The following SAGE1 variants were observed in gnomAD, a reference collection of about 807,000 sequenced individuals.
The protein encoded by SAGE1 is cancer/testis antigen 14.
SAGE1 carries 55 observed loss-of-function variants against 55.4 expected under a neutral mutation model. The observed-to-expected ratio is 0.99, with a 90% CI of 0.80 to 1.24. SAGE1 has a LOEUF of 1.24. Ranked by LOEUF, SAGE1 falls within the 50% of genes most tolerant of loss-of-function variation. The pLI is 0.00. For missense variants in SAGE1, 710 were observed against 704.4 expected (o/e 1.01, Z -0.09); for synonymous variants, 240 against 244.3 (o/e 0.98, Z 0.17).
chrX:135,910,580 G>A (rs1556605978), intron 16 of SAGE1, 25 bp downstream of exon 16: 2 of 1,181,334 alleles, frequency 1.7e-6, no homozygotes, highest in Non-Finnish European at 2.3e-6. Context: ...TAGTTGTGCT[G>A]TCCTACTTGG....
At chrX:135,903,267 C>T (rs2088712452) in intron 3 of SAGE1, among the ~76,000 whole-genome samples, 1 of 113,127 alleles carries the variant, frequency 8.8e-6, no homozygotes, top group Admixed American at 9.3e-5. Flanking sequence ...AATGGCACTT[C>T]TTCAGAAGCC....
At chrX:135,908,682 G>T in intron 12 of SAGE1, 65 bp downstream of exon 12, 1 of 1,090,294 alleles carries the variant, frequency 9.2e-7, no homozygotes. Context: ...TGTCATGAAG[G>T]GAAGAAGGTT....
At chrX:135,911,481 A>G (rs2088897361) in intron 17 of SAGE1, 98 bp from the exon 18 acceptor site, 4 of 875,914 alleles carry the variant, frequency 4.6e-6, no homozygotes, top group Admixed American at 5.0e-5. Flanking sequence ...CTCTTGCTTC[A>G]TGAGATAACT....
At chrX:135,909,140 T>A in intron 13 of SAGE1, 136 bp downstream of exon 13, 2 of 536,630 alleles carry the variant, frequency 3.7e-6, no homozygotes, top group South Asian at 8.1e-5. Flanking sequence ...ACATGGCATA[T>A]CCTCCCCAGC....
intron 5 of SAGE1, 86 bp downstream of exon 5, chrX:135,905,478 A>G: frequency 1.1e-6 from 1 of 948,417 alleles, no homozygotes; most frequent in East Asian, 3.1e-5. Flanking sequence ...CTTTTGTTGC[A>G]TATACTTTCC....
At chrX:135,906,797 C>T (rs1456407513) in intron 7 of SAGE1, 129 bp from the exon 8 acceptor site, 18 of 951,977 alleles carry the variant, frequency 1.9e-5, no homozygotes, top group South Asian at 1.7e-4. Context: ...TCAGGGGTCT[C>T]GTATGGCAAC....
chrX:135,896,089 A>G, intron 1 of SAGE1, 154 bp from the exon 2 acceptor site: 1 of 434,941 alleles, frequency 2.3e-6, no homozygotes, highest in Non-Finnish European at 4.1e-6. Context: ...CTCTGGTACC[A>G]AGGCACACAT....
chrX:135,900,285 T>C lies in SAGE1; in HGVS notation c.88-1274T>C, dbSNP rs782258490. Among the ~76,000 whole-genome samples the C allele has an allele frequency of 8.9e-5, 10 of 112,205 alleles. No individual in the cohort carries two copies. In the East Asian group the frequency reaches 2.8e-3, roughly 31 times the overall value. On this transcript the variant is annotated intron_variant, in intron 2 of 19. Transcript: ENST00000370709. ...TTTGTCTTTAGTTCTGTTTATGTGA[T>C]GAATTACATTCATTGATTGGCCTAT...
At chrX:135,899,041 T>C (rs781984963) in intron 2 of SAGE1, among the ~76,000 whole-genome samples, 1 of 112,645 alleles carries the variant, frequency 8.9e-6, no homozygotes, top group African/African-American at 3.2e-5. Flanking sequence ...CCATTGCTTT[T>C]GGCATTTTTG....
Position 135,910,421 on chromosome X carries a change from C to T in SAGE1, c.1871C>T (p.Ala624Val), listed in dbSNP as rs1556605650. Reference protein sequence around the residue: ...SSMSTRDQYAAVTHNIREEKI... With the variant: ...SSMSTRDQYAVVTHNIREEKI... Reference sequence around the variant, plus strand: ...CCTCTTCTTTTGTTTCCAGATGCTGCAGTCACTCACAACATCCGTGAAGAG... The same window carrying T: ...CCTCTTCTTTTGTTTCCAGATGCTGTAGTCACTCACAACATCCGTGAAGAG... The change falls in exon 16 of 20, where the codon GCA becomes GTA. Residue 624 changes from alanine to valine, a missense_variant. Ala to Val is a moderately conservative substitution (Grantham distance 64, BLOSUM62 0). Transcript: ENST00000370709. 3 of 1,209,575 alleles carry T rather than the reference C, an allele frequency of 2.5e-6. No homozygotes were observed. Among genetic ancestry groups the T allele is most frequent in the Non-Finnish European group, 3.4e-6 (3 of 894,254 alleles).
chrX:135,900,262 T>C lies in SAGE1; in HGVS notation c.88-1297T>C, dbSNP rs150731487. ...TCTATTGAGATAAGCGTGTGGTTTT[T>C]GTCTTTAGTTCTGTTTATGTGATGA... On this transcript the variant is annotated intron_variant, in intron 2 of 19. Transcript: ENST00000370709. Among the ~76,000 whole-genome samples, 733 of 111,933 alleles carry C rather than the reference T, an allele frequency of 6.5e-3. 4 individuals carry two copies. The highest frequency in any genetic ancestry group is 0.022 in the African/African-American group (679 of 30,839).
chrX:135,908,523 C>T lies in SAGE1; in HGVS notation c.1347C>T (p.Gly449=). 8.3e-7 allele frequency: 1 copy of T among 1,206,937 alleles called. No homozygotes were observed. Among genetic ancestry groups the T allele is most frequent in the Non-Finnish European group, 1.1e-6 (1 of 892,889 alleles). Residue 449 remains glycine (G), a synonymous_variant, in exon 12 of 20, where the codon GGC becomes GGT. Transcript: ENST00000370709. ...TCCATGAAGCAAGGATGGAAAATGG[C>T]CAACGAAAACAGGATAACGTCTTGT... ...HHVHEARMEN[G]QRKQDNVLSN... is the part of the protein sequence containing the mutation.
At position 135,900,196 on chromosome X, in the gene SAGE1, A is replaced by T. The variant is rs142056961; in HGVS notation, c.88-1363A>T. 5.7e-4 allele frequency among the ~76,000 whole-genome samples: 63 copies of T among 111,190 alleles called. 1 individual carries two copies. In the East Asian group the frequency reaches 0.016, roughly 28 times the overall value. On this transcript the variant is annotated intron_variant, in intron 2 of 19. Coordinates refer to ENST00000370709, the MANE Select transcript of SAGE1 (RefSeq NM_001381902.1). The stretch of plus-strand genomic sequence containing the variant: ...ATACCTGGTTTATTGAGAGCTTTTA[A>T]TATAAGGGGATGTTGAATTTTATCA...
rs1569521741 is a variant in SAGE1, at chrX:135,911,088, G to A, written c.2006-104G>A. On this transcript the variant is annotated intron_variant, in intron 16 of 19. Transcript: ENST00000370709. ...TGATTGCCACCTGGTATATCCTCCTGCTGTATGGGATAACGTCCTGGAAAC... is the reference window on the plus strand; with the variant it reads ...TGATTGCCACCTGGTATATCCTCCTACTGTATGGGATAACGTCCTGGAAAC... 8.8e-6 allele frequency: 8 copies of A among 913,925 alleles called. No individual in the cohort carries two copies. In the East Asian group the frequency reaches 1.3e-4, roughly 14 times the overall value. 75.3% of individuals were successfully genotyped at this position (913,925 alleles called of 1,213,427 possible).
intron 16 of SAGE1, 24 bp from the exon 17 acceptor site, chrX:135,911,168 T>C (rs782078675): frequency 2.5e-6 from 3 of 1,205,848 alleles, no homozygotes; most frequent in Middle Eastern, 2.3e-4. Flanking sequence ...ACTTCACAGC[T>C]CAGCCTCTTC....
At chrX:135,912,113 A>G in intron 18 of SAGE1, 160 bp downstream of exon 18, 15 of 1,096,034 alleles carry the variant, frequency 1.4e-5, no homozygotes, top group African/African-American at 1.9e-5. Flanking sequence ...AATTGCTAAT[A>G]TGTCTGCTTA....
At chrX:135,899,498 A>G (rs1263777504) in intron 2 of SAGE1, among the ~76,000 whole-genome samples, 1 of 111,794 alleles carries the variant, frequency 8.9e-6, no homozygotes, top group Non-Finnish European at 1.9e-5. Context: ...TTCCATATGC[A>G]TTTTAAAATA....
chrX:135,902,235 G>A (rs28498554), intron 3 of SAGE1, among the ~76,000 whole-genome samples: 23,694 of 110,279 alleles, frequency 0.21, 2,032 homozygotes, highest in Non-Finnish European at 0.26. Context: ...AGGCGATGCC[G>A]TGCTGTCTTA....
In SAGE1 at chrX:135,896,211, C is replaced by T. The variant is rs782518197; in HGVS notation, c.1-32C>T. ...GTTATAAATCAAAGTGTTCTAGTAA[C>T]ACACATAGTTAATTATGAGGACTAT... On this transcript the variant is annotated intron_variant, in intron 1 of 19. Transcript: ENST00000370709. 13 of 1,036,534 alleles carry T rather than the reference C, an allele frequency of 1.3e-5. No homozygotes were observed. The Admixed American group carries it at 2.6e-4, about 21-fold the overall frequency. The allele number at this position is 1,036,534 out of a possible 1,213,427, so 85.4% of individuals were successfully genotyped here.
Sources: allele counts gnomAD v4.1 joint callset (sites outside exome capture counted in the v4.1 genomes callset), GRCh38; gene constraint gnomAD v4.1.1; transcripts MANE v1.5; gene names NCBI Gene and HGNC (gene_info 2026-07-23, HGNC 2026-07-21).